METTL8: variants seen among roughly 807,000 people sequenced by gnomAD.
METTL8 encodes methyltransferase 8, tRNA N3-cytidine, also known as tRNA N(3)-cytidine methyltransferase METTL8, mitochondrial.
METTL8 carries 32 observed loss-of-function variants against 48.7 expected under a neutral mutation model. The observed-to-expected ratio is 0.66, with a 90% CI of 0.50 to 0.88. The LOEUF is 0.88. Among genes scored for constraint, METTL8 ranks in the 40% least tolerant of loss-of-function variants. METTL8 has a pLI of 0.00. For missense variants in METTL8, 464 were observed against 474.4 expected (o/e 0.98, Z 0.20); for synonymous variants, 136 against 157.1 (o/e 0.87, Z 1.01).
intron 3 of METTL8, among the ~76,000 whole-genome samples, chr2:171,356,789 C>G (rs1684589922): frequency 6.6e-6 from 1 of 151,746 alleles, no homozygotes; most frequent in Non-Finnish European, 1.5e-5. Flanking sequence ...ACCACATTTT[C>G]TTTATCCATT....
At chr2:171,329,554 T>C (rs1685311914) in intron 7 of METTL8, among the ~76,000 whole-genome samples, 1 of 152,178 alleles carries the variant, frequency 6.6e-6, no homozygotes, top group East Asian at 1.9e-4. Context: ...TTATAGAAAC[T>C]GGGAGGAAAC....
rs1251911527 is a variant in METTL8 at position 171,318,288 on chromosome 2, C to A, written c.*5884G>T. ...AAACCGTATTCCAAGAAATGCTCAACATTTCATGCCTGAATTGGTATTAAT... is the reference window on the plus strand; with the variant it reads ...AAACCGTATTCCAAGAAATGCTCAAAATTTCATGCCTGAATTGGTATTAAT... On this transcript the variant is annotated 3_prime_UTR_variant, in exon 10 of 10. Coordinates refer to ENST00000375258, the MANE Select transcript of METTL8 (RefSeq NM_001321154.2). The A allele has an allele frequency of 6.6e-6, 1 of 152,238 alleles. No homozygotes were observed. Among genetic ancestry groups the A allele is most frequent in the African/African-American group, 2.4e-5 (1 of 41,462 alleles). 9.4% of individuals were successfully genotyped at this position (152,238 alleles called of 1,614,324 possible).
chr2:171,356,956 T>TTTTTTTTGTTTTTTG (rs1684636934), intron 3 of METTL8, among the ~76,000 whole-genome samples: 1 of 121,754 alleles, frequency 8.2e-6, no homozygotes. Context: ...GACAATATTT[T>TTTTTTTTGTTTTTTG]TTTTTTTTTT....
intron 2 of METTL8, 95 bp from the exon 3 acceptor site, chr2:171,360,608 G>A (rs2105473386): frequency 9.9e-7 from 1 of 1,014,422 alleles, no homozygotes; most frequent in East Asian, 2.6e-5. Context: ...TAGATTAGCT[G>A]AAGACATATG....
At chr2:171,384,222 A>G (rs1421425079) in intron 2 of METTL8, among the ~76,000 whole-genome samples, 2 of 152,220 alleles carry the variant, frequency 1.3e-5, no homozygotes, top group Admixed American at 1.3e-4. Context: ...AATATCCAGA[A>G]TGGCTGGGTG....
At chr2:171,397,343 C>A (rs1203572943) in intron 1 of METTL8, among the ~76,000 whole-genome samples, 5 of 120,994 alleles carry the variant, frequency 4.1e-5, no homozygotes, top group Admixed American at 3.5e-4. Flanking sequence ...AATAGTGAGA[C>A]CCTGTCTCTA....
chr2:171,430,302 G>A (rs1438117260), intron 1 of METTL8, among the ~76,000 whole-genome samples: 1 of 151,786 alleles, frequency 6.6e-6, no homozygotes, highest in Non-Finnish European at 1.5e-5. Context: ...AGGCTGCAGT[G>A]AGCCGAGATA....
At chr2:171,340,097 C>A (rs2105421049) in intron 3 of METTL8, among the ~76,000 whole-genome samples, 1 of 151,278 alleles carries the variant, frequency 6.6e-6, no homozygotes, top group South Asian at 2.1e-4. Flanking sequence ...ACTCAGGAGG[C>A]TGAGGCAGGA....
rs181213707 is a variant in METTL8, at chr2:171,427,248, C to T, written c.-13+6635G>A. ...CACTTCTTTCCATCTCTCCTGTTAC[C>T]ACTCTAGTCCAAAACACTATAATCT... On this transcript the variant is annotated intron_variant, in intron 1 of 9. Coordinates refer to ENST00000375258, the MANE Select transcript of METTL8 (RefSeq NM_001321154.2). 3.7e-3 allele frequency among the ~76,000 whole-genome samples: 569 copies of T among 152,220 alleles called. 4 individuals are homozygous for T. The highest frequency in any genetic ancestry group is 0.012 in the African/African-American group (518 of 41,540).
At chr2:171,434,534 G>A, upstream of METTL8, 1 of 1,522,690 alleles carries the variant, frequency 6.6e-7, no homozygotes, top group Non-Finnish European at 8.8e-7. Flanking sequence ...TGTGGGGCGC[G>A]CCACTCGGCG....
intron 2 of METTL8, among the ~76,000 whole-genome samples, chr2:171,362,181 C>T (rs1020529077): frequency 5.9e-5 from 9 of 151,916 alleles, no homozygotes; most frequent in Non-Finnish European, 1.2e-4. Context: ...CACAGTGAAG[C>T]GGGGAAGGAC....
rs576908548 is a variant in METTL8, at chr2:171,378,390, T to G, written c.143+13653A>C. Among the ~76,000 whole-genome samples, 686 of 152,238 alleles carry G rather than the reference T, an allele frequency of 4.5e-3. 5 individuals carry two copies. The highest frequency in any genetic ancestry group is 7.3e-3 in the Non-Finnish European group (494 of 68,008). ...GGCTCATGCCTGTAATCCCAGCACT[T>G]TGGGAGGCTGAGGTGGGTGGATCAT... On this transcript the variant is annotated intron_variant, in intron 2 of 9. Coordinates refer to ENST00000375258, the MANE Select transcript of METTL8 (RefSeq NM_001321154.2).
intron 2 of METTL8, among the ~76,000 whole-genome samples, chr2:171,373,902 G>A (rs908708926): frequency 6.6e-6 from 1 of 152,236 alleles, no homozygotes; most frequent in Non-Finnish European, 1.5e-5. Flanking sequence ...ATAGTTTGAA[G>A]TCAGGCAGCG....
intron 3 of METTL8, among the ~76,000 whole-genome samples, chr2:171,353,383 T>C (rs1396827261): frequency 1.3e-5 from 2 of 152,232 alleles, no homozygotes; most frequent in Non-Finnish European, 2.9e-5. Context: ...GTGCTTTACT[T>C]CTAACTATGT....
At chr2:171,351,622 G>C (rs975475308) in intron 3 of METTL8, among the ~76,000 whole-genome samples, 2 of 152,086 alleles carry the variant, frequency 1.3e-5, no homozygotes, top group Non-Finnish European at 2.9e-5. Flanking sequence ...ATTTGTTTGT[G>C]TCCTCTTTTA....
chr2:171,357,700 CTT>C (rs937720887), intron 3 of METTL8, among the ~76,000 whole-genome samples: 4 of 144,756 alleles, frequency 2.8e-5, no homozygotes, highest in Admixed American at 6.9e-5. Context: ...TTTTCTCTCT[CTT>C]TTTTTTTTTT....
chr2:171,324,651 CTGAG>C (rs1393793733), intron 9 of METTL8, among the ~76,000 whole-genome samples: 2 of 152,226 alleles, frequency 1.3e-5, no homozygotes, highest in Non-Finnish European at 2.9e-5. Context: ...TGCTCCCTTT[CTGAG>C]TTTTTGTTGG....
Position 171,349,602 on chromosome 2 carries a change from T to C in METTL8, c.236-10048A>G, listed in dbSNP as rs552084599. 3.3e-5 allele frequency among the ~76,000 whole-genome samples: 5 copies of C among 152,368 alleles called. No homozygotes were observed. The South Asian group carries it at 1.0e-3, about 32-fold the overall frequency. ...TAGGGTACTTCCACCTTTTGCCTATTGTGAATAGTGCTGCTATGAACATAG... is the reference window on the plus strand; with the variant it reads ...TAGGGTACTTCCACCTTTTGCCTATCGTGAATAGTGCTGCTATGAACATAG... On this transcript the variant is annotated intron_variant, in intron 3 of 9. Transcript: ENST00000375258.
chr2:171,378,597 CTCCAGCCTGGG>C (rs2105522389), intron 2 of METTL8, among the ~76,000 whole-genome samples: 1 of 152,072 alleles, frequency 6.6e-6, no homozygotes, highest in African/African-American at 2.4e-5. Context: ...CACCACTGCA[CTCCAGCCTGGG>C]TGACAGAGCG....
Sources: allele counts gnomAD v4.1 joint callset (sites outside exome capture counted in the v4.1 genomes callset), GRCh38; gene constraint gnomAD v4.1.1; transcripts MANE v1.5; gene names NCBI Gene and HGNC (gene_info 2026-07-23, HGNC 2026-07-21).